Variants in KCNQ1 observed in about 807,000 individuals in gnomAD.
KCNQ1 encodes the protein potassium voltage-gated channel subfamily Q member 1, also known as potassium voltage-gated channel subfamily KQT member 1.
A neutral mutation model predicts 72.4 loss-of-function variants in KCNQ1; 49 were observed. The observed-to-expected ratio is 0.68, with a 90% CI of 0.54 to 0.86. The LOEUF (loss-of-function observed/expected upper bound fraction) is 0.86, where lower values mean the gene tolerates loss of function less well. Among genes scored for constraint, KCNQ1 ranks in the 40% least tolerant of loss-of-function variants. The probability of loss-of-function intolerance (pLI) is 0.00; values close to 1 mark genes in which losing one functional copy is unlikely to be tolerated. For synonymous variants in KCNQ1, 450 were observed against 412.6 expected (o/e 1.09, Z -1.10); for missense variants, 790 against 945.1 (o/e 0.84, Z 2.15).
Position 2,723,922 on chromosome 11 carries a change from G to A in KCNQ1, c.1515-44922G>A, listed in dbSNP as rs1845716074. ...CGTTGGGGGATGTGCCGCAGGGATG[G>A]GGCATCTCAGCCTTTGTATCTGCCG... On this transcript the variant is annotated intron_variant, in intron 11 of 15. Transcript: ENST00000155840. This position sits in a 1 kb window ranked among gnomAD's most constrained non-coding sequence, Gnocchi z 4.2. 6.6e-6 allele frequency among the ~76,000 whole-genome samples: 1 copy of A among 152,200 alleles called. No individual in the cohort carries two copies. Among genetic ancestry groups the A allele is most frequent in the Non-Finnish European group, 1.5e-5 (1 of 68,044 alleles).
rs978967416 is a variant in KCNQ1 at position 2,471,762 on chromosome 11, G to A, written c.386+26278G>A. Among the ~76,000 whole-genome samples the A allele has an allele frequency of 2.0e-5, 3 of 151,534 alleles. No individual in the cohort carries two copies. The highest frequency in any genetic ancestry group is 1.3e-4 in the Admixed American group (2 of 15,224). ...TGTGCATGGGCGTGTGTGTACTTGT[G>A]TATGGGTGTGTGCATGTGATTGGGT... On this transcript the variant is annotated intron_variant, in intron 1 of 15. Coordinates refer to ENST00000155840, the MANE Select transcript of KCNQ1 (RefSeq NM_000218.3). This position sits in a 1 kb window ranked among gnomAD's most constrained non-coding sequence, Gnocchi z 4.8.
chr11:2,661,520 C>T lies in KCNQ1; in HGVS notation c.1394-441C>T, dbSNP rs965100166. 1.3e-5 allele frequency: 6 copies of T among 471,584 alleles called. No homozygotes were observed. The highest frequency in any genetic ancestry group is 2.2e-5 in the Non-Finnish European group (6 of 268,888). 29.2% of individuals were successfully genotyped at this position (471,584 alleles called of 1,614,324 possible). On this transcript the variant is annotated intron_variant, in intron 10 of 15. Transcript: ENST00000155840. The surrounding 1 kb of genome is among the most constrained non-coding windows in gnomAD (Gnocchi z 5.9). ...TCCTCATGGGTCAGAGGTCCTATCA[C>T]CCCATCTTTCCTGACCCACTACTCT...
At chr11:2,777,090 C>T (rs1846721908) in intron 14 of KCNQ1, 58 bp downstream of exon 14, 1 of 1,527,652 alleles carries the variant, frequency 6.5e-7, no homozygotes, top group African/African-American at 1.4e-5. Context: ...TCTCCCGCAC[C>T]TCTGCCCTCC....
chr11:2,622,805 A>G, intron 10 of KCNQ1: 1 of 398,670 alleles, frequency 2.5e-6, no homozygotes, highest in Non-Finnish European at 4.4e-6. Context: ...GCACCCATAC[A>G]TACAGAGCTT....
intron 10 of KCNQ1, chr11:2,643,244 T>C (rs1009727557): frequency 2.5e-6 from 1 of 398,310 alleles, no homozygotes; most frequent in Non-Finnish European, 4.4e-6. Flanking sequence ...ATCTGTCTAA[T>C]ACTGGAAATG....
In KCNQ1 at chr11:2,724,778, C is replaced by T. The variant is rs553333454; in HGVS notation, c.1515-44066C>T. Reference sequence around the variant, plus strand: ...AGAGTTGGGGGAAGGGGCCAGTTCACCCACAGAGGGTGGAGTCACTGGGCT... The same window carrying T: ...AGAGTTGGGGGAAGGGGCCAGTTCATCCACAGAGGGTGGAGTCACTGGGCT... On this transcript the variant is annotated intron_variant, in intron 11 of 15. Transcript: ENST00000155840. The surrounding 1 kb of genome is among the most constrained non-coding windows in gnomAD (Gnocchi z 6.8). 2.6e-5 allele frequency among the ~76,000 whole-genome samples: 4 copies of T among 152,314 alleles called. No individual in the cohort carries two copies. Among genetic ancestry groups the T allele is most frequent in the Admixed American group, 1.3e-4 (2 of 15,306 alleles).
chr11:2,652,089 G>C lies in KCNQ1; in HGVS notation c.1394-9872G>C, dbSNP rs908789717. ...TTTGAGAAGCTATGGGGAGCCTCTC[G>C]GCCCCAGTTCTGGCCTGGCTGGGAG... is the stretch of plus-strand genomic sequence containing the variant. On this transcript the variant is annotated intron_variant, in intron 10 of 15. Transcript: ENST00000155840. This position sits in a 1 kb window ranked among gnomAD's most constrained non-coding sequence, Gnocchi z 5.9. 1 of 398,636 alleles carries C rather than the reference G, an allele frequency of 2.5e-6. No homozygotes were observed. Among genetic ancestry groups the C allele is most frequent in the Admixed American group, 4.4e-5 (1 of 22,740 alleles). The allele number at this position is 398,636 out of a possible 1,614,324, so 24.7% of individuals were successfully genotyped here.
chr11:2,492,086 C>G lies in KCNQ1; in HGVS notation c.387-35842C>G, dbSNP rs1846844937. Among the ~76,000 whole-genome samples, 1 of 152,172 alleles carries G rather than the reference C, an allele frequency of 6.6e-6. No individual in the cohort carries two copies. The highest frequency in any genetic ancestry group is 2.1e-4 in the South Asian group (1 of 4,832). ...CTTACAAGAAATGCTAAAGGGAATT[C>G]TTCAATCTGAAAGAAAAGGGTGTTA... On this transcript the variant is annotated intron_variant, in intron 1 of 15. Coordinates refer to ENST00000155840, the MANE Select transcript of KCNQ1 (RefSeq NM_000218.3). The surrounding 1 kb of genome is among the most constrained non-coding windows in gnomAD (Gnocchi z 4.1).
intron 15 of KCNQ1, among the ~76,000 whole-genome samples, chr11:2,845,012 C>A (rs1178180279): frequency 6.6e-6 from 1 of 152,208 alleles, no homozygotes; most frequent in African/African-American, 2.4e-5. Context: ...CACCTTTGAT[C>A]TGCTACGCTC....
intron 10 of KCNQ1, chr11:2,640,867 A>G: frequency 2.5e-6 from 1 of 399,302 alleles, no homozygotes. Flanking sequence ...CTATCCTTCT[A>G]CTCTCTACCT....
intron 2 of KCNQ1, among the ~76,000 whole-genome samples, chr11:2,540,034 A>G (rs1031065134): frequency 6.6e-6 from 1 of 152,146 alleles, no homozygotes; most frequent in Non-Finnish European, 1.5e-5. Flanking sequence ...TGGCACTGGC[A>G]CTGCACGTGG....
rs1850305245 is a variant in KCNQ1 at position 2,676,992 on chromosome 11, G to A, written c.1514+14911G>A. ...TCTCCTTTTCATTAACAGCTGCAGA[G>A]TTTCATTGTGCCATGATTTATGGAA... On this transcript the variant is annotated intron_variant, in intron 11 of 15. Transcript: ENST00000155840. This position sits in a 1 kb window ranked among gnomAD's most constrained non-coding sequence, Gnocchi z 4.2. 7.5e-6 allele frequency: 3 copies of A among 398,628 alleles called. No homozygotes were observed. In the Admixed American group the frequency reaches 1.3e-4, roughly 18 times the overall value. 24.7% of individuals were successfully genotyped at this position (398,628 alleles called of 1,614,324 possible).
chr11:2,777,152 C>A, intron 14 of KCNQ1, 120 bp downstream of exon 14: 1 of 997,550 alleles, frequency 1.0e-6, no homozygotes, highest in Non-Finnish European at 1.6e-6. Flanking sequence ...AAGTGCATGA[C>A]ATGAAATGAA....
chr11:2,618,703 C>A, intron 10 of KCNQ1: 1 of 398,408 alleles, frequency 2.5e-6, no homozygotes, highest in Non-Finnish European at 4.4e-6. Context: ...TCCAAATGAA[C>A]TTTAGAATTT....
In KCNQ1 at chr11:2,462,730, G is replaced by T. The variant is rs965706184; in HGVS notation, c.386+17246G>T. 6.6e-6 allele frequency among the ~76,000 whole-genome samples: 1 copy of T among 152,078 alleles called. No individual in the cohort carries two copies. Among genetic ancestry groups the T allele is most frequent in the Non-Finnish European group, 1.5e-5 (1 of 68,010 alleles). ...AGGGGGCGGTGGAGTGAAGGGGAGG[G>T]TGGGCGCTGCTGGCAAGAACCACAG... On this transcript the variant is annotated intron_variant, in intron 1 of 15. Coordinates refer to ENST00000155840, the MANE Select transcript of KCNQ1 (RefSeq NM_000218.3). The surrounding 1 kb of genome is among the most constrained non-coding windows in gnomAD (Gnocchi z 8.2).
In KCNQ1 at chr11:2,642,298, T is replaced by A. The variant is rs1589999886; in HGVS notation, c.1394-19663T>A. ...CTTTTCAATTTCTTTCATCAGACTT[T>A]TGTAGTTTTCCTTGTTAGAGGTTTC... On this transcript the variant is annotated intron_variant, in intron 10 of 15. Transcript: ENST00000155840. The surrounding 1 kb of genome is among the most constrained non-coding windows in gnomAD (Gnocchi z 4.3). The A allele has an allele frequency of 7.5e-6, 3 of 398,346 alleles. No individual in the cohort carries two copies. The East Asian group carries it at 1.1e-4, about 14-fold the overall frequency. 24.7% of individuals were successfully genotyped at this position (398,346 alleles called of 1,614,324 possible).
At position 2,507,468 on chromosome 11, in the gene KCNQ1, A is replaced by G. The variant is rs1322484263; in HGVS notation, c.387-20460A>G. On this transcript the variant is annotated intron_variant, in intron 1 of 15. Transcript: ENST00000155840. This position sits in a 1 kb window ranked among gnomAD's most constrained non-coding sequence, Gnocchi z 5.4. ...GAAGTCAGGACCACTGCTGTAGAAA[A>G]CAGGGTTTGCAGGTAGATAAGGTGG... Among the ~76,000 whole-genome samples the G allele has an allele frequency of 6.6e-6, 1 of 152,126 alleles. No homozygotes were observed. Among genetic ancestry groups the G allele is most frequent in the Non-Finnish European group, 1.5e-5 (1 of 68,030 alleles).
chr11:2,633,643 C>A, intron 10 of KCNQ1: 1 of 398,478 alleles, frequency 2.5e-6, no homozygotes, highest in Non-Finnish European at 4.4e-6. Context: ...AGAGTGTGTT[C>A]TTGGCACCTT....
Position 2,704,617 on chromosome 11 carries a change from A to T in KCNQ1, c.1514+42536A>T, listed in dbSNP as rs545474861. Among the ~76,000 whole-genome samples the T allele has an allele frequency of 8.5e-5, 13 of 152,280 alleles. No individual in the cohort carries two copies. The highest frequency in any genetic ancestry group is 2.6e-4 in the Admixed American group (4 of 15,290). ...CACTCTGGCTGCTGAACAGAGAGAG[A>T]ACTGAAGAGAGGCAGCAGGGTGAGG... On this transcript the variant is annotated intron_variant, in intron 11 of 15. Coordinates refer to ENST00000155840, the MANE Select transcript of KCNQ1 (RefSeq NM_000218.3). This position sits in a 1 kb window ranked among gnomAD's most constrained non-coding sequence, Gnocchi z 4.3.
Sources: allele counts gnomAD v4.1 joint callset (sites outside exome capture counted in the v4.1 genomes callset), GRCh38; gene constraint gnomAD v4.1.1; non-coding constraint Gnocchi (gnomAD v3.1); transcripts MANE v1.5; gene names NCBI Gene and HGNC (gene_info 2026-07-23, HGNC 2026-07-21).